Variants in CACNB2 observed in about 807,000 individuals in gnomAD.
CACNB2 encodes the protein calcium voltage-gated channel auxiliary subunit beta 2.
Under a neutral mutation model 73.3 loss-of-function variants are expected in CACNB2, and 42 were observed. The ratio of observed to expected loss-of-function variants is 0.57; its 90% CI spans 0.45 to 0.74. The LOEUF is 0.74. Ranked by LOEUF, CACNB2 falls within the 30% of genes least tolerant of loss-of-function variation. The pLI is 0.00. For synonymous variants in CACNB2, 348 were observed against 310.3 expected (o/e 1.12, Z -1.28); for missense variants, 940 against 853.0 (o/e 1.10, Z -1.27).
At chr10:18,270,226 G>A (rs1324600111) in intron 2 of CACNB2, among the ~76,000 whole-genome samples, 1 of 152,070 alleles carries the variant, frequency 6.6e-6, no homozygotes, top group African/African-American at 2.4e-5. Flanking sequence ...AAAACCATCA[G>A]ATCTCATAAA....
At chr10:18,438,885 C>T (rs1173163086) in intron 3 of CACNB2, among the ~76,000 whole-genome samples, 1 of 152,212 alleles carries the variant, frequency 6.6e-6, no homozygotes, top group African/African-American at 2.4e-5. Context: ...TGTGAGTGTG[C>T]TATAAATACA....
In CACNB2 at chr10:18,402,012, G is replaced by A. The variant is rs1219396698; in HGVS notation, c.302G>A (p.Arg101Gln). 2 of 1,614,030 alleles carry A rather than the reference G, an allele frequency of 1.2e-6. No individual in the cohort carries two copies. The highest frequency in any genetic ancestry group is 1.7e-6 in the Non-Finnish European group (2 of 1,179,976). The change falls in exon 3 of 14, where the codon CGG becomes CAG. Residue 101 changes from arginine (R) to glutamine (Q), a missense_variant. Transcript: ENST00000324631. ...GAGGCAGTGCGCAGAGAAGCGGAGC[G>A]GCAGGCCCAGGCACAGTTGGAAAAA... Reference protein sequence around the residue: ...DREAVRREAERQAQAQLEKAK... With the variant: ...DREAVRREAEQQAQAQLEKAK...
intron 2 of CACNB2, among the ~76,000 whole-genome samples, chr10:18,385,446 T>C (rs1461223269): frequency 7.1e-6 from 1 of 140,030 alleles, no homozygotes; most frequent in Non-Finnish European, 1.5e-5. Flanking sequence ...CTCATAAATG[T>C]ATGCATTCTT....
At chr10:18,290,932 T>A (rs2131770325) in intron 2 of CACNB2, among the ~76,000 whole-genome samples, 1 of 152,378 alleles carries the variant, frequency 6.6e-6, no homozygotes, top group South Asian at 2.1e-4. Context: ...GCGCCAGCAC[T>A]CATTTCCAGC....
chr10:18,459,937 G>T (rs996203572), intron 3 of CACNB2, among the ~76,000 whole-genome samples: 13 of 152,304 alleles, frequency 8.5e-5, no homozygotes, highest in Non-Finnish European at 1.9e-4. Context: ...GGCCGAGGTT[G>T]CAGTGAGCCG....
At chr10:18,412,231 T>C (rs2044674140) in intron 3 of CACNB2, among the ~76,000 whole-genome samples, 1 of 152,228 alleles carries the variant, frequency 6.6e-6, no homozygotes, top group Non-Finnish European at 1.5e-5. Context: ...CCAAAGCAAG[T>C]CACCGGCCTA....
intron 2 of CACNB2, among the ~76,000 whole-genome samples, chr10:18,244,063 G>A (rs1455639755): frequency 6.6e-6 from 1 of 152,190 alleles, no homozygotes; most frequent in African/African-American, 2.4e-5. Flanking sequence ...ATAATGCAAT[G>A]TGGCAAGGAA....
At chr10:18,379,032 T>G (rs2042912687) in intron 2 of CACNB2, among the ~76,000 whole-genome samples, 1 of 152,164 alleles carries the variant, frequency 6.6e-6, no homozygotes, top group African/African-American at 2.4e-5. Context: ...TGCATCCATT[T>G]GCTTACTAGA....
At position 18,536,275 on chromosome 10, in the gene CACNB2, G is replaced by GTTTTTTTTTTTTTTTTTTTTTTTTTTTT. The variant is rs2053587888; in HGVS notation, c.1302+79_1302+80insTTTTTTTTTTTTTTTTTTTTTTTTTTTT. On this transcript the variant is annotated intron_variant, in intron 12 of 13. Coordinates refer to ENST00000324631, the MANE Select transcript of CACNB2 (RefSeq NM_201596.3). The stretch of plus-strand genomic sequence containing the variant: ...TTTTTTTTTTTTTTTTTTTTTTTTG[G>GTTTTTTTTTTTTTTTTTTTTTTTTTTTT]GGGACAAGGTCTTGCTCTGTTGCCC... 58 of 92,510 alleles carry GTTTTTTTTTTTTTTTTTTTTTTTTTTTT rather than the reference G, an allele frequency of 6.3e-4. 18 individuals carry two copies. Among genetic ancestry groups the GTTTTTTTTTTTTTTTTTTTTTTTTTTTT allele is most frequent in the East Asian group, 1.8e-3 (4 of 2,230 alleles). The allele number at this position is 92,510 out of a possible 1,614,324, so 5.7% of individuals were successfully genotyped here. A position where few individuals can be genotyped will look rare whatever the true frequency, so the allele number is the denominator to read the frequency against.
At position 18,354,219 on chromosome 10, in the gene CACNB2, A is replaced by C. The variant is rs2041823905; in HGVS notation, c.214-47705A>C. On this transcript the variant is annotated intron_variant, in intron 2 of 13. Transcript: ENST00000324631. ...CTTAAAAATAGCAAAGCACTGTATG[A>C]TAATGAGGTATTAATCATTTAACAA... 2.0e-5 allele frequency among the ~76,000 whole-genome samples: 3 copies of C among 152,330 alleles called. No individual in the cohort carries two copies. In the South Asian group the frequency reaches 6.2e-4, roughly 32 times the overall value.
chr10:18,217,553 G>GA (rs1366291433), intron 2 of CACNB2, among the ~76,000 whole-genome samples: 2 of 151,844 alleles, frequency 1.3e-5, no homozygotes, highest in Admixed American at 6.6e-5. Flanking sequence ...AAATGTTATA[G>GA]AAAAAAAGAA....
At position 18,241,388 on chromosome 10, in the gene CACNB2, T is replaced by C. The variant is rs545682849; in HGVS notation, c.213+90413T>C. ...GCTTTTGACTTTGTTCCATTAAAGATGCAGGTGACCTACAGGGAGGGAACA... is the reference window on the plus strand; with the variant it reads ...GCTTTTGACTTTGTTCCATTAAAGACGCAGGTGACCTACAGGGAGGGAACA... On this transcript the variant is annotated intron_variant, in intron 2 of 13. Coordinates refer to ENST00000324631, the MANE Select transcript of CACNB2 (RefSeq NM_201596.3). Among the ~76,000 whole-genome samples the C allele has an allele frequency of 3.3e-5, 5 of 152,300 alleles. No individual in the cohort carries two copies. In the South Asian group the frequency reaches 6.2e-4, roughly 19 times the overall value.
At chr10:18,358,495 ACGCTCTCTCT>A in intron 2 of CACNB2, among the ~76,000 whole-genome samples, 1 of 104,302 alleles carries the variant, frequency 9.6e-6, no homozygotes, top group East Asian at 4.5e-4. Context: ...TCTAATGAGC[ACGCTCTCTCT>A]CTCTCTCTCT....
chr10:18,515,326 C>CT (rs1009110137), intron 7 of CACNB2, among the ~76,000 whole-genome samples: 1 of 99,116 alleles, frequency 1.0e-5, no homozygotes, highest in African/African-American at 4.0e-5. Context: ...CCAAATTTCC[C>CT]TTTTTTTCCC....
chr10:18,160,922 T>C (rs2032410870), intron 2 of CACNB2, among the ~76,000 whole-genome samples: 1 of 152,186 alleles, frequency 6.6e-6, no homozygotes, highest in South Asian at 2.1e-4. Context: ...GTTCATTAAG[T>C]AAGTTTTCCA....
intron 2 of CACNB2, among the ~76,000 whole-genome samples, chr10:18,207,559 A>G (rs1185819017): frequency 6.6e-6 from 1 of 152,250 alleles, no homozygotes; most frequent in Non-Finnish European, 1.5e-5. Flanking sequence ...CTAGAATGTT[A>G]CAAAATATAT....
chr10:18,285,814 C>T (rs1221557363), intron 2 of CACNB2, among the ~76,000 whole-genome samples: 1 of 152,100 alleles, frequency 6.6e-6, no homozygotes, highest in African/African-American at 2.4e-5. Flanking sequence ...TCGATCCTTT[C>T]AAATAGCTTT....
intron 2 of CACNB2, among the ~76,000 whole-genome samples, chr10:18,344,020 G>A (rs1005423456): frequency 2.0e-5 from 3 of 146,728 alleles, no homozygotes; most frequent in East Asian, 2.0e-4. Flanking sequence ...ATTTTGGGTC[G>A]ATTATTTTTT....
At chr10:18,498,324 A>G (rs1554831298) in intron 3 of CACNB2, 31 bp from the exon 4 acceptor site, 6 of 1,613,440 alleles carry the variant, frequency 3.7e-6, no homozygotes, top group Non-Finnish European at 5.1e-6. Context: ...TTTTGCTCTT[A>G]TTTTTTTCCC....
Sources: gnomAD v4.1 joint callset for allele counts (sites outside exome capture counted in the v4.1 genomes callset) on GRCh38, gnomAD v4.1.1 for gene constraint, MANE v1.5 for transcripts, NCBI Gene and HGNC (gene_info 2026-07-23, HGNC 2026-07-21) for gene names.